The following DUSP16 variants were observed in gnomAD, a reference collection of about 807,000 sequenced individuals.
The protein encoded by DUSP16 is dual specificity phosphatase 16.
Under a neutral mutation model 58.3 loss-of-function variants are expected in DUSP16, and 21 were observed. That is an observed-to-expected ratio of 0.36 (90% CI 0.26 to 0.52). The LOEUF is 0.52. DUSP16 is among the 20% of genes least tolerant of loss of function. The pLI, the probability that DUSP16 is intolerant of heterozygous loss-of-function variation, is 0.94. For synonymous variants in DUSP16, 320 were observed against 323.8 expected (o/e 0.99, Z 0.12); for missense variants, 726 against 819.0 (o/e 0.89, Z 1.39).
Position 12,477,681 on chromosome 12 carries a change from G to A in DUSP16, c.1150C>T (p.His384Tyr), listed in dbSNP as rs570722524. The stretch of plus-strand genomic sequence containing the variant: ...TCTTCCAGCCTGTCTGCGGACAGGT[G>A]CAGCCCACTGAGCGCCTGTACCAGC... ...SPLVQALSGL[H>Y]LSADRLEDSN... Residue 384 changes from histidine to tyrosine, a missense_variant, in exon 7 of 7, where the codon CAC becomes TAC. Transcript: ENST00000298573. The surrounding 1 kb of genome is among the most constrained non-coding windows in gnomAD (Gnocchi z 4.1). The A allele has an allele frequency of 8.1e-6, 13 of 1,613,848 alleles. No homozygotes were observed. The highest frequency in any genetic ancestry group is 3.3e-5 in the Admixed American group (2 of 60,024).
chr12:12,557,010 CAG>C (rs1301078170), intron 1 of DUSP16, among the ~76,000 whole-genome samples: 1 of 152,124 alleles, frequency 6.6e-6, no homozygotes, highest in Non-Finnish European at 1.5e-5. Context: ...TTGTTCCTAA[CAG>C]AGAGTCTAAC....
Position 12,521,108 on chromosome 12 carries a change from A to G in DUSP16, c.-10T>C, listed in dbSNP as rs780398633. On this transcript the variant is annotated 5_prime_UTR_variant, in exon 2 of 7. Coordinates refer to ENST00000298573, the MANE Select transcript of DUSP16 (RefSeq NM_030640.3). ...TCATCTCATGGGCCATGACAACAATAAGTCCTCTTTTCCCACCTCCTTCTT... is the reference window on the plus strand; with the variant it reads ...TCATCTCATGGGCCATGACAACAATGAGTCCTCTTTTCCCACCTCCTTCTT... The G allele has an allele frequency of 9.9e-6, 16 of 1,613,230 alleles. No individual in the cohort carries two copies. The Admixed American group carries it at 2.7e-4, about 27-fold the overall frequency.
intron 6 of DUSP16, among the ~76,000 whole-genome samples, chr12:12,478,481 C>T (rs940252822): frequency 4.6e-5 from 7 of 152,080 alleles, no homozygotes; most frequent in Admixed American, 1.3e-4. Flanking sequence ...TACAGGACTA[C>T]ACGCTTGGCT....
intron 1 of DUSP16, among the ~76,000 whole-genome samples, chr12:12,553,502 C>T (rs562320147): frequency 6.6e-6 from 1 of 152,318 alleles, no homozygotes; most frequent in East Asian, 1.9e-4. Flanking sequence ...ACTATTATTA[C>T]AAGATCTCAA....
At chr12:12,500,432 T>A (rs1279950557) in intron 4 of DUSP16, 87 bp downstream of exon 4, 1 of 1,422,032 alleles carries the variant, frequency 7.0e-7, no homozygotes. Flanking sequence ...GAGATTGGGG[T>A]GTGTTTCAAA....
chr12:12,483,098 C>T (rs1943605137), intron 5 of DUSP16, among the ~76,000 whole-genome samples: 1 of 152,128 alleles, frequency 6.6e-6, no homozygotes, highest in Admixed American at 6.5e-5. Flanking sequence ...AAACTGGAAA[C>T]AAGCAGGTGG....
intron 5 of DUSP16, among the ~76,000 whole-genome samples, chr12:12,486,507 T>TGTGC (rs1555163849): frequency 7.3e-6 from 1 of 137,148 alleles, no homozygotes; most frequent in African/African-American, 2.5e-5. Context: ...TGTGTGTGTG[T>TGTGC]GTGTGTGTGT....
In DUSP16 at chr12:12,474,312, C is replaced by T. The variant is rs563131430; in HGVS notation, c.*2521G>A. ...TCAAAATGAGAAATGCACAGTTTAA[C>T]CGTTCAACAGCTGGCCTTACTTCAA... is the stretch of plus-strand genomic sequence containing the variant. On this transcript the variant is annotated 3_prime_UTR_variant, in exon 7 of 7. Coordinates refer to ENST00000298573, the MANE Select transcript of DUSP16 (RefSeq NM_030640.3). 1 of 152,320 alleles carries T rather than the reference C, an allele frequency of 6.6e-6. No homozygotes were observed. The highest frequency in any genetic ancestry group is 6.5e-5 in the Admixed American group (1 of 15,302). The allele number at this position is 152,320 out of a possible 1,614,324, so 9.4% of individuals were successfully genotyped here.
At chr12:12,492,207 ACTTTTTCT>A (rs1943770368) in intron 4 of DUSP16, among the ~76,000 whole-genome samples, 1 of 152,082 alleles carries the variant, frequency 6.6e-6, no homozygotes, top group African/African-American at 2.4e-5. Context: ...CAGTCCATTC[ACTTTTTCT>A]CTTTCCCATA....
Position 12,562,414 on chromosome 12 carries a change from T to G in DUSP16, c.-663A>C, listed in dbSNP as rs1944921038. 1 of 146,972 alleles carries G rather than the reference T, an allele frequency of 6.8e-6. No individual in the cohort carries two copies. Among genetic ancestry groups the G allele is most frequent in the Non-Finnish European group, 1.5e-5 (1 of 66,722 alleles). The allele number at this position is 146,972 out of a possible 1,614,324, so 9.1% of individuals were successfully genotyped here. A position where few individuals can be genotyped will look rare whatever the true frequency, so the allele number is the denominator to read the frequency against. On this transcript the variant is annotated 5_prime_UTR_variant, in exon 1 of 7. Transcript: ENST00000298573. ...CCCCCCCATCAGCCTTCAAAAAAAA[T>G]GTCGAAAGAGATGAAGAACTTAGGG... is the stretch of plus-strand genomic sequence containing the variant.
chr12:12,526,164 A>G (rs1048831764), intron 1 of DUSP16, among the ~76,000 whole-genome samples: 2 of 152,254 alleles, frequency 1.3e-5, no homozygotes, highest in African/African-American at 4.8e-5. Context: ...CAGATCATGG[A>G]AGAAAATCAG....
chr12:12,520,346 G>A (rs1286191770), intron 2 of DUSP16, among the ~76,000 whole-genome samples: 1 of 151,950 alleles, frequency 6.6e-6, no homozygotes, highest in Non-Finnish European at 1.5e-5. Flanking sequence ...CCTTAACAAA[G>A]AAATCAGTTG....
At chr12:12,544,198 AC>A in intron 1 of DUSP16, among the ~76,000 whole-genome samples, 1 of 152,076 alleles carries the variant, frequency 6.6e-6, no homozygotes, top group Admixed American at 6.6e-5. Context: ...GACTTCTTAT[AC>A]CATGGCTGAG....
At chr12:12,538,036 C>A (rs1944495551) in intron 1 of DUSP16, among the ~76,000 whole-genome samples, 1 of 152,156 alleles carries the variant, frequency 6.6e-6, no homozygotes, top group Non-Finnish European at 1.5e-5. Flanking sequence ...CCCAACCAGG[C>A]CCACCTCTGG....
rs1410801458 is a variant in DUSP16 at position 12,476,683 on chromosome 12, AACTGGGTTGATCC to A, written c.*137_*149del. On this transcript the variant is annotated 3_prime_UTR_variant, in exon 7 of 7. Coordinates refer to ENST00000298573, the MANE Select transcript of DUSP16 (RefSeq NM_030640.3). ...CAAATGCAGATGTTAAGAGAGTAAC[AACTGGGTTGATCC>A]ACCTGTTGCTTTTACACCATAGCTC... is the stretch of plus-strand genomic sequence containing the variant. The A allele has an allele frequency of 3.1e-6, 2 of 648,718 alleles. No homozygotes were observed. The highest frequency in any genetic ancestry group is 3.0e-4 in the Middle Eastern group (1 of 3,280). 40.2% of individuals were successfully genotyped at this position (648,718 alleles called of 1,614,324 possible).
intron 1 of DUSP16, among the ~76,000 whole-genome samples, chr12:12,559,207 C>T (rs575092147): frequency 1.3e-5 from 2 of 152,274 alleles, no homozygotes; most frequent in East Asian, 3.9e-4. Context: ...TTGGGCAAGA[C>T]TTATTTTCCT....
At chr12:12,554,894 T>C (rs1157382606) in intron 1 of DUSP16, among the ~76,000 whole-genome samples, 2 of 152,192 alleles carry the variant, frequency 1.3e-5, no homozygotes, top group Non-Finnish European at 2.9e-5. Context: ...CAACCCAAGA[T>C]GTTTAACTAA....
intron 3 of DUSP16, among the ~76,000 whole-genome samples, chr12:12,516,295 A>G (rs1196956148): frequency 6.6e-6 from 1 of 152,154 alleles, no homozygotes; most frequent in African/African-American, 2.4e-5. Context: ...GTGCACCACC[A>G]CACCCAGCTG....
At chr12:12,540,009 C>T (rs894305833) in intron 1 of DUSP16, among the ~76,000 whole-genome samples, 5 of 151,632 alleles carry the variant, frequency 3.3e-5, no homozygotes, top group Non-Finnish European at 5.9e-5. Flanking sequence ...GAGCCAAGAT[C>T]GCACCACTGC....
Sources: allele counts gnomAD v4.1 joint callset (sites outside exome capture counted in the v4.1 genomes callset), GRCh38; gene constraint gnomAD v4.1.1; non-coding constraint Gnocchi (gnomAD v3.1); transcripts MANE v1.5; gene names NCBI Gene and HGNC (gene_info 2026-07-23, HGNC 2026-07-21).